CREB5: variants seen among roughly 807,000 people sequenced by gnomAD.
CREB5 encodes cAMP responsive element binding protein 5.
In CREB5, 19 loss-of-function variants were observed where a neutral mutation model predicts 57.1. That is an observed-to-expected ratio of 0.33 (90% CI 0.23 to 0.49). The LOEUF (loss-of-function observed/expected upper bound fraction) is 0.49. Ranked by LOEUF, CREB5 falls within the 20% of genes least tolerant of loss-of-function variation. CREB5 has a pLI of 0.99. For synonymous variants in CREB5, 238 were observed against 238.3 expected (o/e 1.00, Z 0.01); for missense variants, 579 against 671.6 (o/e 0.86, Z 1.52).
At chr7:28,337,287 G>T (rs775368527) in intron 1 of CREB5, among the ~76,000 whole-genome samples, 1 of 152,008 alleles carries the variant, frequency 6.6e-6, no homozygotes, top group African/African-American at 2.4e-5. Flanking sequence ...TGTTGAAAGC[G>T]TGGTGTTTGA....
intron 5 of CREB5, among the ~76,000 whole-genome samples, chr7:28,586,796 A>G (rs1025422172): frequency 3.9e-5 from 6 of 152,258 alleles, no homozygotes; most frequent in Admixed American, 2.0e-4. Context: ...TGGCAGCAAC[A>G]AGTGAGAAAG....
chr7:28,655,630 G>C (rs116313953), intron 5 of CREB5, among the ~76,000 whole-genome samples: 3 of 151,944 alleles, frequency 2.0e-5, no homozygotes, highest in Non-Finnish European at 4.4e-5. Flanking sequence ...AATTAATTAA[G>C]TAATTAATTT....
At chr7:28,612,698 CT>C (rs932240552) in intron 5 of CREB5, among the ~76,000 whole-genome samples, 2 of 151,810 alleles carry the variant, frequency 1.3e-5, no homozygotes, top group Admixed American at 6.6e-5. Flanking sequence ...TATGCTATAG[CT>C]TTTAAAAGGA....
intron 4 of CREB5, among the ~76,000 whole-genome samples, chr7:28,533,969 G>A (rs957754241): frequency 2.0e-5 from 3 of 152,122 alleles, no homozygotes; most frequent in Admixed American, 1.3e-4. Context: ...GACATGAGTT[G>A]ATTTTCAGTT....
chr7:28,560,973 C>CGTGCGTGT (rs1795222771), intron 4 of CREB5, among the ~76,000 whole-genome samples: 1 of 31,694 alleles, frequency 3.2e-5, no homozygotes, highest in African/African-American at 1.3e-4. Context: ...TGTGTGTGTG[C>CGTGCGTGT]GTGTGTGCGT....
At chr7:28,482,209 T>C (rs1042479502) in intron 1 of CREB5, among the ~76,000 whole-genome samples, 7 of 152,194 alleles carry the variant, frequency 4.6e-5, no homozygotes, top group African/African-American at 9.6e-5. Context: ...AAATTGCATA[T>C]GCAATTCCTT....
intron 5 of CREB5, among the ~76,000 whole-genome samples, chr7:28,690,102 G>A (rs1404468134): frequency 6.6e-6 from 1 of 152,146 alleles, no homozygotes; most frequent in Admixed American, 6.5e-5. Context: ...TAATGCCCTT[G>A]CCTGTCAGTG....
intron 1 of CREB5, among the ~76,000 whole-genome samples, chr7:28,347,320 T>G (rs562831298): frequency 6.6e-6 from 1 of 152,326 alleles, no homozygotes; most frequent in South Asian, 2.1e-4. Context: ...TTAATTTATT[T>G]TAAGGGAGAC....
At chr7:28,694,983 G>A (rs1405857660) in intron 5 of CREB5, among the ~76,000 whole-genome samples, 5 of 152,170 alleles carry the variant, frequency 3.3e-5, no homozygotes, top group East Asian at 1.9e-4. Flanking sequence ...CATGCAATTC[G>A]GGAGGCCAAG....
chr7:28,712,958 C>G lies in CREB5; in HGVS notation c.465-5795C>G, dbSNP rs1583595992. On this transcript the variant is annotated intron_variant, in intron 5 of 10. Transcript: ENST00000357727. ...TCTCTTTAGCATTTCAGTCTCCTGTCCCAGACAAAAAAAAGAAAAAAGTAG... is the reference window on the plus strand; with the variant it reads ...TCTCTTTAGCATTTCAGTCTCCTGTGCCAGACAAAAAAAAGAAAAAAGTAG... 2.0e-5 allele frequency among the ~76,000 whole-genome samples: 3 copies of G among 151,794 alleles called. No individual in the cohort carries two copies. In the South Asian group the frequency reaches 6.2e-4, roughly 32 times the overall value.
rs540752330 is a variant in CREB5, at chr7:28,333,448, T to C, written c.-25+34007T>C. Reference sequence around the variant, plus strand: ...GTTAAAATGTACAATTAAATCATTATTGACGTAGTCACCTTGCTGTGCTGT... The same window carrying C: ...GTTAAAATGTACAATTAAATCATTACTGACGTAGTCACCTTGCTGTGCTGT... On this transcript the variant is annotated intron_variant, in intron 1 of 9. Coordinates refer to the CREB5 transcript ENST00000396299. Among the ~76,000 whole-genome samples the C allele has an allele frequency of 1.1e-4, 16 of 152,326 alleles. No individual in the cohort carries two copies. The East Asian group carries it at 1.7e-3, about 17-fold the overall frequency.
At chr7:28,359,718 A>G (rs1039739264) in intron 1 of CREB5, among the ~76,000 whole-genome samples, 1 of 152,224 alleles carries the variant, frequency 6.6e-6, no homozygotes, top group Admixed American at 6.5e-5. Context: ...AAATAGATAA[A>G]TAGGATTACA....
intron 5 of CREB5, among the ~76,000 whole-genome samples, chr7:28,573,736 A>T (rs1795794899): frequency 6.6e-6 from 1 of 152,222 alleles, no homozygotes; most frequent in African/African-American, 2.4e-5. Context: ...AGTGCCAGTT[A>T]TCAGGGAGGA....
chr7:28,403,484 A>G (rs1291874988), intron 1 of CREB5, among the ~76,000 whole-genome samples: 2 of 152,198 alleles, frequency 1.3e-5, no homozygotes, highest in African/African-American at 2.4e-5. Context: ...TGTTACATAT[A>G]TTAACTCACT....
chr7:28,484,915 C>A (rs1056875618), intron 1 of CREB5, among the ~76,000 whole-genome samples: 5 of 152,150 alleles, frequency 3.3e-5, no homozygotes, highest in African/African-American at 1.2e-4. Context: ...TGTGGCCGAG[C>A]CTTTCGTTGT....
At chr7:28,776,337 CAAA>C (rs397720790) in intron 7 of CREB5, among the ~76,000 whole-genome samples, 3 of 114,500 alleles carry the variant, frequency 2.6e-5, no homozygotes, top group Admixed American at 8.4e-5. Flanking sequence ...GACTCTGTCT[CAAA>C]AAAAAAAAAA....
intron 7 of CREB5, among the ~76,000 whole-genome samples, chr7:28,744,735 G>A (rs989776473): frequency 5.3e-5 from 8 of 152,164 alleles, no homozygotes; most frequent in Non-Finnish European, 8.8e-5. Context: ...TGAATTTGAG[G>A]TGGGACATGG....
chr7:28,302,623 G>A (rs530917780), intron 1 of CREB5, among the ~76,000 whole-genome samples: 1 of 152,292 alleles, frequency 6.6e-6, no homozygotes, highest in East Asian at 1.9e-4. Flanking sequence ...GGAGGATTTA[G>A]GGTGTGATGT....
At chr7:28,714,646 G>A (rs1256267787) in intron 5 of CREB5, among the ~76,000 whole-genome samples, 1 of 152,190 alleles carries the variant, frequency 6.6e-6, no homozygotes, top group Non-Finnish European at 1.5e-5. Flanking sequence ...TTCTGTTAAG[G>A]ACAGTGAAAA....
Sources: gnomAD v4.1 joint callset for allele counts (sites outside exome capture counted in the v4.1 genomes callset) on GRCh38, gnomAD v4.1.1 for gene constraint, MANE v1.5 for transcripts, NCBI Gene and HGNC (gene_info 2026-07-23, HGNC 2026-07-21) for gene names.